EYA3: variants seen among roughly 807,000 people sequenced by gnomAD.
The protein encoded by EYA3 is protein phosphatase EYA3.
In EYA3, 39 loss-of-function variants were observed where a neutral mutation model predicts 80.0. That is an observed-to-expected ratio of 0.49 (90% CI 0.38 to 0.64). EYA3 has a LOEUF of 0.64. Ranked by LOEUF, EYA3 falls within the 30% of genes least tolerant of loss-of-function variation. The probability of loss-of-function intolerance (pLI) is 0.00; values close to 1 mark genes in which losing one functional copy is unlikely to be tolerated. For synonymous variants in EYA3, 206 were observed against 232.8 expected, an observed-to-expected ratio of 0.88 and a Z score of 1.05; for missense variants, 523 against 676.1, an observed-to-expected ratio of 0.77 and a Z score of 2.51.
chr1:27,998,120 T>G (rs1640583361), intron 12 of EYA3, among the ~76,000 whole-genome samples: 1 of 152,200 alleles, frequency 6.6e-6, no homozygotes, highest in African/African-American at 2.4e-5. Context: ...CCACTTAGGG[T>G]ACCTGCATCA....
At chr1:27,983,230 C>T (rs569449211) in intron 16 of EYA3, among the ~76,000 whole-genome samples, 1 of 152,180 alleles carries the variant, frequency 6.6e-6, no homozygotes, top group Non-Finnish European at 1.5e-5. Context: ...TAAAAACTTA[C>T]ACAAACAGCC....
rs113060873 is a variant in EYA3 at position 28,023,029 on chromosome 1, T to C, written c.499+4760A>G. On this transcript the variant is annotated intron_variant, in intron 7 of 17. Transcript: ENST00000373871. ...GATAATAGGACTTGAATAAGTAATA[T>C]ACAAGATGAGCCTGGAGCATCTTGT... is the stretch of plus-strand genomic sequence containing the variant. Among the ~76,000 whole-genome samples, 1,162 of 148,838 alleles carry C rather than the reference T, an allele frequency of 7.8e-3. 10 individuals carry two copies. The highest frequency in any genetic ancestry group is 0.051 in the Middle Eastern group (15 of 294).
In EYA3 at chr1:28,013,116, GAA is replaced by G. The variant is rs745362551; in HGVS notation, c.762_763del (p.Ser255LeufsTer17). 1.2e-6 allele frequency: 2 copies of G among 1,611,752 alleles called. No homozygotes were observed. ...TTCAGAGCTGCGGTGCTTACCAGAGGAAAGTCTCTGTGCTGCAGGTGCAGGCG... is the reference window on the plus strand; with the variant it reads ...TTCAGAGCTGCGGTGCTTACCAGAGGAGTCTCTGTGCTGCAGGTGCAGGCG... On this transcript the variant is annotated frameshift_variant, in exon 9 of 18. Coordinates refer to ENST00000373871, the MANE Select transcript of EYA3 (RefSeq NM_001990.4). LOFTEE classifies it high-confidence loss of function. This position sits in a 1 kb window ranked among gnomAD's most constrained non-coding sequence, Gnocchi z 4.0.
intron 1 of EYA3, among the ~76,000 whole-genome samples, chr1:28,078,348 T>G (rs1394763402): frequency 1.3e-5 from 2 of 152,162 alleles, no homozygotes; most frequent in Non-Finnish European, 2.9e-5. Context: ...GACAAGATAT[T>G]TTCAAGCTCC....
chr1:28,081,525 G>A (rs1326250123), intron 1 of EYA3, among the ~76,000 whole-genome samples: 2 of 152,016 alleles, frequency 1.3e-5, no homozygotes, highest in South Asian at 4.1e-4. Flanking sequence ...ATCCTATAAT[G>A]TTCTCTAAAG....
intron 11 of EYA3, among the ~76,000 whole-genome samples, chr1:28,004,040 T>C (rs1641089916): frequency 6.6e-6 from 1 of 152,226 alleles, no homozygotes; most frequent in African/African-American, 2.4e-5. Flanking sequence ...CTTGAGACTC[T>C]GCTCTATTTT....
chr1:28,032,527 C>T (rs979990419), intron 6 of EYA3, among the ~76,000 whole-genome samples: 1 of 152,080 alleles, frequency 6.6e-6, no homozygotes, highest in African/African-American at 2.4e-5. Context: ...GCATATCACC[C>T]ACTCCTCCAA....
chr1:28,017,979 G>A (rs1162915873), intron 7 of EYA3, among the ~76,000 whole-genome samples: 1 of 152,100 alleles, frequency 6.6e-6, no homozygotes, highest in Non-Finnish European at 1.5e-5. Context: ...CAGATCATTT[G>A]AGGCCAGGAG....
Position 27,974,310 on chromosome 1 carries a change from G to T in EYA3, c.*156C>A. 2.1e-6 allele frequency: 1 copy of T among 478,616 alleles called. No homozygotes were observed. Among genetic ancestry groups the T allele is most frequent in the Non-Finnish European group, 3.8e-6 (1 of 262,430 alleles). 29.6% of individuals were successfully genotyped at this position (478,616 alleles called of 1,614,324 possible). On this transcript the variant is annotated 3_prime_UTR_variant, in exon 18 of 18. Coordinates refer to ENST00000373871, the MANE Select transcript of EYA3 (RefSeq NM_001990.4). ...GAGAGGGAGGGAGAGAGGAAGGGAG[G>T]GAGGGAGAGAGGGAGAGAGAGAAAG...
chr1:27,974,635 TC>T lies in EYA3; in HGVS notation c.1642-90del, dbSNP rs1638852364. On this transcript the variant is annotated intron_variant, in intron 17 of 17. Coordinates refer to ENST00000373871, the MANE Select transcript of EYA3 (RefSeq NM_001990.4). ...CCATACTCTTTCCTCAACACACCTC[TC>T]CCCAAGGTACATGGTAACCCTATCT... is the stretch of plus-strand genomic sequence containing the variant. 8.6e-6 allele frequency: 9 copies of T among 1,047,722 alleles called. No individual in the cohort carries two copies. The Admixed American group carries it at 9.6e-5, about 11-fold the overall frequency. The allele number at this position is 1,047,722 out of a possible 1,614,324, so 64.9% of individuals were successfully genotyped here.
chr1:27,993,673 A>G, intron 13 of EYA3, 113 bp from the exon 14 acceptor site: 1 of 799,268 alleles, frequency 1.3e-6, no homozygotes, highest in Non-Finnish European at 1.9e-6. Flanking sequence ...GGCTTTAAGG[A>G]TCTTCTTCCT....
intron 12 of EYA3, among the ~76,000 whole-genome samples, chr1:27,999,006 T>A (rs1017473734): frequency 9.2e-5 from 14 of 152,188 alleles, no homozygotes; most frequent in African/African-American, 3.4e-4. Context: ...TGACCTCAAG[T>A]GATCTGCCCG....
At chr1:27,981,060 C>T (rs1639268606) in intron 16 of EYA3, among the ~76,000 whole-genome samples, 1 of 151,762 alleles carries the variant, frequency 6.6e-6, no homozygotes, top group African/African-American at 2.4e-5. Context: ...CCCCCCAAAA[C>T]AAAAAAAACT....
At chr1:28,054,688 G>A (rs887227709) in intron 2 of EYA3, among the ~76,000 whole-genome samples, 1 of 152,088 alleles carries the variant, frequency 6.6e-6, no homozygotes. Flanking sequence ...GCAAAACCCC[G>A]TGTCTACTGA....
chr1:28,013,384 T>C lies in EYA3; in HGVS notation c.586-90A>G, dbSNP rs1376458586. The C allele has an allele frequency of 6.2e-6, 7 of 1,130,058 alleles. No homozygotes were observed. In the African/African-American group the frequency reaches 7.8e-5, roughly 13 times the overall value. 70.0% of individuals were successfully genotyped at this position (1,130,058 alleles called of 1,614,324 possible). ...CTTTCTTCTCCCTCTTTCTTATTCA[T>C]AATTATTTTTCTAAAACATTAATTT... On this transcript the variant is annotated intron_variant, in intron 8 of 17. Transcript: ENST00000373871. The surrounding 1 kb of genome is among the most constrained non-coding windows in gnomAD (Gnocchi z 4.0).
chr1:28,031,498 A>C (rs1016616830), intron 6 of EYA3, among the ~76,000 whole-genome samples: 3 of 152,230 alleles, frequency 2.0e-5, no homozygotes, highest in African/African-American at 7.2e-5. Flanking sequence ...TCTGTCTCTG[A>C]GTGCCTTCCT....
chr1:27,994,719 C>T (rs895953708), intron 13 of EYA3, among the ~76,000 whole-genome samples: 4 of 152,080 alleles, frequency 2.6e-5, no homozygotes, highest in Admixed American at 6.5e-5. Context: ...GTAATTCCAA[C>T]TATTTGGGAG....
chr1:27,974,618 T>C, intron 17 of EYA3, 72 bp from the exon 18 acceptor site: 1 of 1,286,778 alleles, frequency 7.8e-7, no homozygotes, highest in Non-Finnish European at 1.1e-6. Flanking sequence ...GCCCATACTC[T>C]TTCCTCAACA....
Position 28,081,506 on chromosome 1 carries a change from C to T in EYA3, c.-69+7018G>A, listed in dbSNP as rs180778267. 3.4e-3 allele frequency among the ~76,000 whole-genome samples: 518 copies of T among 152,248 alleles called. 1 individual carries two copies. Among genetic ancestry groups the T allele is most frequent in the African/African-American group, 0.012 (478 of 41,554 alleles). Reference sequence around the variant, plus strand: ...CTGATTTTTATAAGATATTTAGGTACTATTTTTTATCCTATAATGTTCTCT... The same window carrying T: ...CTGATTTTTATAAGATATTTAGGTATTATTTTTTATCCTATAATGTTCTCT... On this transcript the variant is annotated intron_variant, in intron 1 of 17. Transcript: ENST00000373871.
Sources: gnomAD v4.1 joint callset for allele counts (sites outside exome capture counted in the v4.1 genomes callset) on GRCh38, gnomAD v4.1.1 for gene constraint, Gnocchi (gnomAD v3.1) non-coding constraint, MANE v1.5 for transcripts, NCBI Gene and HGNC (gene_info 2026-07-23, HGNC 2026-07-21) for gene names.